TLE1: variants seen among roughly 807,000 people sequenced by gnomAD.
TLE1 encodes the protein TLE family member 1, transcriptional corepressor.
TLE1 carries 21 observed loss-of-function variants against 89.8 expected under a neutral mutation model. That is an observed-to-expected ratio of 0.23 (90% CI 0.17 to 0.34). TLE1 has a LOEUF of 0.34. Among genes scored for constraint, TLE1 ranks in the 10% least tolerant of loss-of-function variants. The pLI is 1.00. For missense variants in TLE1, 795 were observed against 1,031.2 expected (o/e 0.77, Z 3.14); for synonymous variants, 447 against 407.6 (o/e 1.10, Z -1.16).
chr9:81,663,748 T>C (rs1170936442), intron 4 of TLE1, among the ~76,000 whole-genome samples: 1 of 150,676 alleles, frequency 6.6e-6, no homozygotes, highest in East Asian at 2.0e-4. Context: ...TGCCTCAGCC[T>C]CCCGAGTAGC....
At chr9:81,685,628 C>T (rs2133176520) in intron 4 of TLE1, 48 bp downstream of exon 4, 3 of 1,590,908 alleles carry the variant, frequency 1.9e-6, no homozygotes, top group East Asian at 4.5e-5. Context: ...ATTATTAAAT[C>T]ATATGAACTG....
chr9:81,684,766 A>G (rs913872332), intron 4 of TLE1, among the ~76,000 whole-genome samples: 2 of 152,180 alleles, frequency 1.3e-5, no homozygotes, highest in Non-Finnish European at 2.9e-5. Context: ...ATCGATTTCT[A>G]AAAGACTTAT....
intron 6 of TLE1, among the ~76,000 whole-genome samples, chr9:81,637,158 G>A (rs1827485836): frequency 6.6e-6 from 1 of 152,104 alleles, no homozygotes; most frequent in African/African-American, 2.4e-5. Flanking sequence ...AGGAGTTTGA[G>A]ACCAGCCTGA....
chr9:81,597,420 AAAAATAC>A (rs1830375411), intron 14 of TLE1, among the ~76,000 whole-genome samples: 1 of 152,220 alleles, frequency 6.6e-6, no homozygotes, highest in Non-Finnish European at 1.5e-5. Context: ...TGAGGCAACA[AAAAATAC>A]AAAATTCTTA....
chr9:81,654,098 C>CTTCATACCCCTAACACTT, intron 4 of TLE1, 62 bp from the exon 5 acceptor site: 2 of 1,493,494 alleles, frequency 1.3e-6, no homozygotes, highest in Non-Finnish European at 1.9e-6. Context: ...AAAGGTAAAA[C>CTTCATACCCCTAACACTT]TTCATACCCC....
chr9:81,681,001 TCC>T (rs1833552684), intron 4 of TLE1, among the ~76,000 whole-genome samples: 1 of 151,462 alleles, frequency 6.6e-6, no homozygotes, highest in South Asian at 2.1e-4. Context: ...TAAGGAAATA[TCC>T]CACAGGTGAG....
In TLE1 at chr9:81,584,294, G is replaced by C; in HGVS notation, c.2217C>G (p.Ser739=). ...AGATGTCACAGCTAAGCACTGACGA[G>C]GACTCTTTGGACTGGAAGAGAAAAC... ...YGASIFQSKE[S]SSVLSCDISV... is the part of the protein sequence containing the mutation. Residue 739 remains serine (S), a synonymous_variant, in exon 20 of 20, where the codon TCC becomes TCG. Transcript: ENST00000376499. The C allele has an allele frequency of 6.2e-7, 1 of 1,614,042 alleles. No homozygotes were observed. Among genetic ancestry groups the C allele is most frequent in the Non-Finnish European group, 8.5e-7 (1 of 1,179,954 alleles).
At position 81,584,528 on chromosome 9, in the gene TLE1, G is replaced by C; in HGVS notation, c.2129-4C>G. The C allele has an allele frequency of 6.2e-7, 1 of 1,613,864 alleles. No homozygotes were observed. The highest frequency in any genetic ancestry group is 8.5e-7 in the Non-Finnish European group (1 of 1,179,912). On this transcript the variant is annotated splice_region_variant and splice_polypyrimidine_tract_variant and intron_variant, in intron 18 of 19. Transcript: ENST00000376499. ...CCAGTACTCACAAACCATTTACCTA[G>C]AATTAGCAAAGGAATATCTAGTTTT...
At chr9:81,600,555 A>T (rs1179541749) in intron 14 of TLE1, among the ~76,000 whole-genome samples, 2 of 152,010 alleles carry the variant, frequency 1.3e-5, no homozygotes, top group Non-Finnish European at 2.9e-5. Context: ...GTAGAAAAAC[A>T]GAAATTAAAC....
Position 81,654,036 on chromosome 9 carries a change from T to C in TLE1, c.235A>G (p.Thr79Ala). ...GTATTCAATCTCTTGGCGATTTCAG[T>C]CTATAAAGACAAAGCCACACAAATG... ...YGLNIEMHKQ[T>A]EIAKRLNTIC... is the part of the protein sequence containing the mutation. The change falls in exon 5 of 20, where the codon ACT (threonine) becomes GCT (alanine). Residue 79 changes from threonine to alanine, a missense_variant and splice_region_variant. Physicochemically the swap from Thr to Ala is moderately conservative, Grantham distance 58 (BLOSUM62 0). Coordinates refer to ENST00000376499, the MANE Select transcript of TLE1 (RefSeq NM_005077.5). 1 of 1,613,922 alleles carries C rather than the reference T, an allele frequency of 6.2e-7. No individual in the cohort carries two copies.
intron 4 of TLE1, among the ~76,000 whole-genome samples, chr9:81,673,312 C>CTT (rs1306087468): frequency 7.2e-6 from 1 of 139,040 alleles, no homozygotes; most frequent in Non-Finnish European, 1.6e-5. Context: ...CCAACAAGTC[C>CTT]TTTTTTTTTT....
chr9:81,659,780 C>A (rs760377185), intron 4 of TLE1, among the ~76,000 whole-genome samples: 15 of 152,138 alleles, frequency 9.9e-5, no homozygotes, highest in South Asian at 4.1e-4. Flanking sequence ...TGGGTCCCAA[C>A]CAGGTCTCGT....
In TLE1 at chr9:81,590,954, C is replaced by T. The variant is rs144048030; in HGVS notation, c.1680G>A (p.Ala560=). 1.9e-4 allele frequency: 310 copies of T among 1,614,222 alleles called. 3 individuals carry two copies. In the African/African-American group the frequency reaches 2.7e-3, roughly 14 times the overall value. Residue 560 remains alanine (A), a synonymous_variant, in exon 16 of 20, where the codon GCG becomes GCA. Coordinates refer to ENST00000376499, the MANE Select transcript of TLE1 (RefSeq NM_005077.5). ...CCGCCTTGATGCGCGGGGTTGGAGC[C>T]GCCAGGTCCCAAATGGACAAAGTAC... ...EASTLSIWDL[A]APTPRIKAEL... is the part of the protein sequence containing the mutation.
In TLE1 at chr9:81,652,390, T is replaced by G. The variant is rs59507110; in HGVS notation, c.298-102A>C. The G allele has an allele frequency of 3.1e-3, 2,711 of 884,410 alleles. 66 individuals are homozygous for G. The African/African-American group carries it at 0.04, about 13-fold the overall frequency. The allele number at this position is 884,410 out of a possible 1,614,324, so 54.8% of individuals were successfully genotyped here. A position where few individuals can be genotyped will look rare whatever the true frequency, so the allele number is the denominator to read the frequency against. ...ATGCTGTGTGCAATGCAGGCTGAAG[T>G]AGAAGGGTTTAAATGCAGAATTTCT... On this transcript the variant is annotated intron_variant, in intron 5 of 19. Coordinates refer to ENST00000376499, the MANE Select transcript of TLE1 (RefSeq NM_005077.5).
At chr9:81,677,241 C>G (rs1374550769) in intron 4 of TLE1, among the ~76,000 whole-genome samples, 10 of 146,480 alleles carry the variant, frequency 6.8e-5, no homozygotes, top group African/African-American at 2.5e-4. Flanking sequence ...CGTCTTCCCC[C>G]CCCCAAAAAA....
At chr9:81,669,835 A>G (rs1831986636) in intron 4 of TLE1, among the ~76,000 whole-genome samples, 1 of 152,140 alleles carries the variant, frequency 6.6e-6, no homozygotes. Flanking sequence ...ACTTTATACC[A>G]ACGGTCCCCC....
chr9:81,682,091 A>C (rs1246389910), intron 4 of TLE1, among the ~76,000 whole-genome samples: 2 of 151,990 alleles, frequency 1.3e-5, no homozygotes, highest in East Asian at 3.9e-4. Flanking sequence ...ACTACAAAAA[A>C]AAGAAAAAAA....
chr9:81,621,836 C>T (rs550914417), intron 8 of TLE1, among the ~76,000 whole-genome samples: 52 of 152,254 alleles, frequency 3.4e-4, no homozygotes, highest in Middle Eastern at 3.4e-3. Flanking sequence ...CAATCCCAAG[C>T]CTCTTGGCCC....
chr9:81,659,661 CCTCA>C (rs1370324139), intron 4 of TLE1, among the ~76,000 whole-genome samples: 1 of 152,134 alleles, frequency 6.6e-6, no homozygotes, highest in Non-Finnish European at 1.5e-5. Context: ...TGCCAACTCT[CCTCA>C]CTGATTTGCA....
Sources: allele counts gnomAD v4.1 joint callset (sites outside exome capture counted in the v4.1 genomes callset), GRCh38; gene constraint gnomAD v4.1.1; transcripts MANE v1.5; gene names NCBI Gene and HGNC (gene_info 2026-07-23, HGNC 2026-07-21).